The following PDE1A variants were observed in gnomAD, a reference collection of about 807,000 sequenced individuals.
PDE1A encodes dual specificity calcium/calmodulin-dependent 3',5'-cyclic nucleotide phosphodiesterase 1A.
Under a neutral mutation model 61.7 loss-of-function variants are expected in PDE1A, and 35 were observed. That is an observed-to-expected ratio of 0.57 (90% CI 0.43 to 0.75). The LOEUF (loss-of-function observed/expected upper bound fraction) is 0.75, where lower values mean the gene tolerates loss of function less well. Among genes scored for constraint, PDE1A ranks in the 30% least tolerant of loss-of-function variants. PDE1A has a pLI of 0.00. For synonymous variants in PDE1A, 232 were observed against 213.2 expected (o/e 1.09, Z -0.77); for missense variants, 597 against 630.6 (o/e 0.95, Z 0.57).
chr2:182,444,481 A>G (rs1227368997), intron 2 of PDE1A, among the ~76,000 whole-genome samples: 1 of 152,142 alleles, frequency 6.6e-6, no homozygotes, highest in Non-Finnish European at 1.5e-5. Flanking sequence ...TCATCTTTGT[A>G]TTCCATACAT....
At chr2:182,190,407 C>T (rs775484065) in intron 10 of PDE1A, among the ~76,000 whole-genome samples, 1 of 152,174 alleles carries the variant, frequency 6.6e-6, no homozygotes, top group East Asian at 1.9e-4. Flanking sequence ...ATTAATGCCA[C>T]TAGTCTTAGA....
At chr2:182,551,170 A>T in the PDE1A span, among the ~76,000 whole-genome samples, 2 of 152,290 alleles carry the variant, frequency 1.3e-5, no homozygotes, top group East Asian at 3.9e-4. Flanking sequence ...TAATAGCTAC[A>T]ATTGGGGGGT....
At chr2:182,259,848 C>G (rs1338431591) in intron 2 of PDE1A, among the ~76,000 whole-genome samples, 1 of 152,206 alleles carries the variant, frequency 6.6e-6, no homozygotes, top group Non-Finnish European at 1.5e-5. Flanking sequence ...TTGGCAATAT[C>G]CCAATCCAAA....
chr2:182,547,488 G>A, the PDE1A span, among the ~76,000 whole-genome samples: 2 of 152,170 alleles, frequency 1.3e-5, no homozygotes, highest in Non-Finnish European at 2.9e-5. Flanking sequence ...ATTAATCAAC[G>A]ACATCAGAAT....
At chr2:182,677,063 C>T in the PDE1A span, among the ~76,000 whole-genome samples, 46 of 152,108 alleles carry the variant, frequency 3.0e-4, no homozygotes, top group Non-Finnish European at 4.3e-4. Flanking sequence ...TCTTGGCCAG[C>T]GCAATCAGGC....
At chr2:182,432,809 C>T (rs182073071) in intron 2 of PDE1A, among the ~76,000 whole-genome samples, 10 of 152,126 alleles carry the variant, frequency 6.6e-5, no homozygotes, top group Non-Finnish European at 8.8e-5. Context: ...CTGCAGGTCC[C>T]TGATCTCCTT....
intron 13 of PDE1A, among the ~76,000 whole-genome samples, chr2:182,153,452 G>T (rs1479964555): frequency 1.3e-5 from 2 of 152,230 alleles, no homozygotes; most frequent in African/African-American, 2.4e-5. Context: ...CTACCCACTG[G>T]TTGAAGCAAT....
At chr2:182,423,626 C>G (rs987671173) in intron 1 of PDE1A, among the ~76,000 whole-genome samples, 3 of 152,168 alleles carry the variant, frequency 2.0e-5, no homozygotes, top group Non-Finnish European at 4.4e-5. Context: ...TAGAATGAGT[C>G]ATTCCTGAAA....
chr2:182,335,445 G>C lies in PDE1A; in HGVS notation c.54-71031C>G, dbSNP rs765843282. Among the ~76,000 whole-genome samples the C allele has an allele frequency of 2.9e-4, 44 of 152,046 alleles. 1 individual carries two copies. Among genetic ancestry groups the C allele is most frequent in the Non-Finnish European group, 2.1e-4 (14 of 67,994 alleles). ...TATAGACCAATGGAACAGAACAGAG[G>C]CCTCAGAAATAACGCCAACACATCT... On this transcript the variant is annotated intron_variant, in intron 1 of 13. Coordinates refer to ENST00000351439, the Ensembl canonical transcript of PDE1A.
intron 2 of PDE1A, among the ~76,000 whole-genome samples, chr2:182,489,096 T>C (rs1036421757): frequency 6.6e-6 from 1 of 152,150 alleles, no homozygotes; most frequent in Non-Finnish European, 1.5e-5. Flanking sequence ...AGAGAGCTTT[T>C]CTGAGAGACG....
rs111534628 is a variant in PDE1A, at chr2:182,327,925, G to A, written c.54-63511C>T. On this transcript the variant is annotated intron_variant, in intron 1 of 13. Transcript: ENST00000351439. ...GTGAAGAGAGGGAGCGATGTCTGGA[G>A]TAAAGTGAAAGGTGAGAAGGAATGC... Among the ~76,000 whole-genome samples the A allele has an allele frequency of 8.7e-3, 1,321 of 152,336 alleles. 22 individuals carry two copies. Among genetic ancestry groups the A allele is most frequent in the South Asian group, 0.07 (335 of 4,820 alleles).
chr2:182,145,465 C>T (rs902774827), downstream of PDE1A, among the ~76,000 whole-genome samples: 7 of 152,116 alleles, frequency 4.6e-5, no homozygotes, highest in African/African-American at 1.7e-4. Context: ...CAGTGGCTCA[C>T]GCCTGTAATC....
intron 1 of PDE1A, among the ~76,000 whole-genome samples, chr2:182,317,114 C>A (rs972096235): frequency 2.0e-5 from 3 of 152,152 alleles, no homozygotes; most frequent in Non-Finnish European, 2.9e-5. Flanking sequence ...TAAGTATATT[C>A]TCATACAAAC....
chr2:182,279,207 G>A (rs1693640030), intron 1 of PDE1A, among the ~76,000 whole-genome samples: 1 of 151,888 alleles, frequency 6.6e-6, no homozygotes, highest in Non-Finnish European at 1.5e-5. Flanking sequence ...GTTGGAGGAT[G>A]AGCAGATTTT....
At chr2:182,556,044 T>C in the PDE1A span, among the ~76,000 whole-genome samples, 1 of 144,050 alleles carries the variant, frequency 6.9e-6, no homozygotes, top group African/African-American at 2.6e-5. Flanking sequence ...CTTGGATGGA[T>C]AATTAGAACT....
At chr2:182,688,944 A>G in the PDE1A span, among the ~76,000 whole-genome samples, 1 of 152,244 alleles carries the variant, frequency 6.6e-6, no homozygotes, top group East Asian at 1.9e-4. Context: ...CCATTACATA[A>G]TGATAAAGGG....
chr2:182,486,719 A>G (rs1267763265), intron 2 of PDE1A, among the ~76,000 whole-genome samples: 1 of 152,162 alleles, frequency 6.6e-6, no homozygotes. Flanking sequence ...CAGGTCAATT[A>G]GATATCCATA....
At chr2:182,221,110 T>A (rs1186914595) in intron 7 of PDE1A, among the ~76,000 whole-genome samples, 1 of 151,862 alleles carries the variant, frequency 6.6e-6, no homozygotes, top group East Asian at 1.9e-4. Context: ...GTCATCCCCC[T>A]CCTTTCCTCC....
chr2:182,388,894 A>G (rs1158668378), intron 1 of PDE1A, among the ~76,000 whole-genome samples: 2 of 152,056 alleles, frequency 1.3e-5, no homozygotes, highest in Non-Finnish European at 2.9e-5. Flanking sequence ...ATATCAACAA[A>G]CCTATAGCTA....
Sources: gnomAD v4.1 joint callset for allele counts (sites outside exome capture counted in the v4.1 genomes callset) on GRCh38, gnomAD v4.1.1 for gene constraint, MANE v1.5 for transcripts, NCBI Gene and HGNC (gene_info 2026-07-23, HGNC 2026-07-21) for gene names.